Variants in CMPK2 observed in about 807,000 individuals in gnomAD.
CMPK2 encodes UMP-CMP kinase 2, mitochondrial.
A neutral mutation model predicts 33.4 loss-of-function variants in CMPK2; 32 were observed. That is an observed-to-expected ratio of 0.96 (90% CI 0.72 to 1.29). The LOEUF (loss-of-function observed/expected upper bound fraction) is 1.29. Among genes scored for constraint, CMPK2 ranks in the 50% most tolerant of loss-of-function variants. The probability of loss-of-function intolerance (pLI) is 0.00; values close to 1 mark genes in which losing one functional copy is unlikely to be tolerated. For missense variants in CMPK2, 672 were observed against 616.0 expected (o/e 1.09, Z -0.96); for synonymous variants, 299 against 275.3 (o/e 1.09, Z -0.85).
chr2:6,849,618 A>G lies in CMPK2; in HGVS notation c.*232T>C. On this transcript the variant is annotated 3_prime_UTR_variant, in exon 5 of 5. Transcript: ENST00000256722. ...AAAATGTTTACTATGCCAGGAAGAA[A>G]GCAATCGCTGGCCTCTCACTGGAAC... 1 of 1,322,728 alleles carries G rather than the reference A, an allele frequency of 7.6e-7. No individual in the cohort carries two copies. The highest frequency in any genetic ancestry group is 9.6e-7 in the Non-Finnish European group (1 of 1,040,996). 81.9% of individuals were successfully genotyped at this position (1,322,728 alleles called of 1,614,324 possible). A position where few individuals can be genotyped will look rare whatever the true frequency, so the allele number is the denominator to read the frequency against.
downstream of CMPK2, among the ~76,000 whole-genome samples, chr2:6,846,615 G>C (rs945357853): frequency 6.6e-6 from 1 of 152,202 alleles, no homozygotes; most frequent in Non-Finnish European, 1.5e-5. Context: ...AATAGGAAAA[G>C]ATTGCAAGTC....
chr2:6,862,344 A>C (rs1048583973), intron 2 of CMPK2, among the ~76,000 whole-genome samples: 2 of 152,134 alleles, frequency 1.3e-5, no homozygotes, highest in South Asian at 2.1e-4. Flanking sequence ...GAAGTTAATA[A>C]ATTTACCCAA....
chr2:6,843,234 T>A (rs1338338405), intron 3 of CMPK2, among the ~76,000 whole-genome samples: 3 of 152,244 alleles, frequency 2.0e-5, no homozygotes, highest in Middle Eastern at 6.8e-3. Flanking sequence ...TTCCTTTAGG[T>A]CCCACACTGT....
chr2:6,842,103 G>C (rs1662248086), intron 3 of CMPK2, among the ~76,000 whole-genome samples: 1 of 152,138 alleles, frequency 6.6e-6, no homozygotes, highest in South Asian at 2.1e-4. Flanking sequence ...TGCCCTACAG[G>C]TTCCTTGTTC....
At chr2:6,855,531 C>T (rs763316127) in intron 3 of CMPK2, among the ~76,000 whole-genome samples, 1 of 152,154 alleles carries the variant, frequency 6.6e-6, no homozygotes, top group Non-Finnish European at 1.5e-5. Flanking sequence ...AGAACTAATA[C>T]AGATATCACA....
At chr2:6,846,473 T>C (rs1219512096), downstream of CMPK2, among the ~76,000 whole-genome samples, 1 of 152,228 alleles carries the variant, frequency 6.6e-6, no homozygotes, top group East Asian at 1.9e-4. Context: ...TTGAATTACA[T>C]TCTTGATTAT....
chr2:6,864,255 CAG>C (rs1439439688), intron 1 of CMPK2: 1 of 152,186 alleles, frequency 6.6e-6, no homozygotes, highest in Non-Finnish European at 1.5e-5. Flanking sequence ...GAAACTGAGG[CAG>C]AGAGTTGAAG....
At chr2:6,842,768 G>A (rs1388911202) in intron 3 of CMPK2, among the ~76,000 whole-genome samples, 2 of 152,082 alleles carry the variant, frequency 1.3e-5, no homozygotes, top group Non-Finnish European at 2.9e-5. Context: ...CTGTACCCAG[G>A]TATCCACAAT....
At chr2:6,857,354 A>T (rs1662738089) in intron 3 of CMPK2, among the ~76,000 whole-genome samples, 2 of 147,352 alleles carry the variant, frequency 1.4e-5, no homozygotes, top group African/African-American at 2.5e-5. Flanking sequence ...TTTTGAGACA[A>T]GGCCCCTCTT....
chr2:6,865,815 G>A lies in CMPK2; in HGVS notation c.-119C>T. ...GGCGCCAGCGGGAAACGAAAGCGAA[G>A]CGTTGCGGGGAAACGAAAGCCGGAG... is the stretch of plus-strand genomic sequence containing the variant. On this transcript the variant is annotated 5_prime_UTR_variant, in exon 1 of 5. Coordinates refer to ENST00000256722, the MANE Select transcript of CMPK2 (RefSeq NM_207315.4). 7.9e-7 allele frequency: 1 copy of A among 1,266,470 alleles called. No individual in the cohort carries two copies. The highest frequency in any genetic ancestry group is 1.0e-6 in the Non-Finnish European group (1 of 1,004,836). The allele number at this position is 1,266,470 out of a possible 1,614,324, so 78.5% of individuals were successfully genotyped here. A position where few individuals can be genotyped will look rare whatever the true frequency, so the allele number is the denominator to read the frequency against.
chr2:6,844,629 C>A (rs1323651674), downstream of CMPK2, among the ~76,000 whole-genome samples: 1 of 152,138 alleles, frequency 6.6e-6, no homozygotes, highest in Admixed American at 6.5e-5. Flanking sequence ...ATACTGCCTC[C>A]CTCCCTATTG....
rs752471531 is a variant in CMPK2 at position 6,865,224 on chromosome 2, C to A, written c.473G>T (p.Arg158Leu). Residue 158 changes from arginine to leucine, a missense_variant, in exon 1 of 5, where the codon CGC (arginine) becomes CTC (leucine). Physicochemically the swap from Arg to Leu is moderately radical, Grantham distance 102 (BLOSUM62 -2). Transcript: ENST00000256722. ...ELLGACQEAP[R>L]PHLGEFEADP... is the part of the protein sequence containing the mutation. ...GGCCTCGAACTCGCCCAAGTGCGGGCGTGGTGCCTCCTGACAGGCGCCCAG... is the reference window on the plus strand; with the variant it reads ...GGCCTCGAACTCGCCCAAGTGCGGGAGTGGTGCCTCCTGACAGGCGCCCAG... The A allele has an allele frequency of 3.9e-6, 6 of 1,535,200 alleles. No homozygotes were observed. The highest frequency in any genetic ancestry group is 1.7e-4 in the Middle Eastern group (1 of 5,868).
intron 3 of CMPK2, among the ~76,000 whole-genome samples, chr2:6,857,303 T>C (rs902080477): frequency 6.6e-5 from 10 of 151,518 alleles, no homozygotes; most frequent in South Asian, 6.2e-4. Flanking sequence ...TTTTCTTCTT[T>C]TTTGTTTTTT....
chr2:6,856,656 C>T (rs1662710990), intron 3 of CMPK2, among the ~76,000 whole-genome samples: 1 of 152,178 alleles, frequency 6.6e-6, no homozygotes, highest in Non-Finnish European at 1.5e-5. Context: ...CCTTATCAAC[C>T]ACATTTATCT....
At chr2:6,851,993 T>A (rs1406327203) in intron 3 of CMPK2, among the ~76,000 whole-genome samples, 3 of 152,310 alleles carry the variant, frequency 2.0e-5, no homozygotes, top group East Asian at 3.9e-4. Flanking sequence ...CATTCCTCTA[T>A]GAAAGAATGG....
chr2:6,843,845 C>G (rs1572129726), downstream of CMPK2, among the ~76,000 whole-genome samples: 1 of 152,336 alleles, frequency 6.6e-6, no homozygotes, highest in Non-Finnish European at 1.5e-5. Context: ...GAGAGGAGAA[C>G]AGAGAGGCTG....
intron 3 of CMPK2, among the ~76,000 whole-genome samples, chr2:6,841,199 G>A (rs1198318987): frequency 6.6e-6 from 1 of 152,102 alleles, no homozygotes; most frequent in African/African-American, 2.4e-5. Context: ...ATTGACTAAT[G>A]CTTTTATCAC....
intron 4 of CMPK2, among the ~76,000 whole-genome samples, chr2:6,850,495 C>T (rs1042999059): frequency 2.0e-5 from 3 of 152,180 alleles, no homozygotes; most frequent in Non-Finnish European, 4.4e-5. Flanking sequence ...TTTATGGAAT[C>T]CTTATAGCAC....
chr2:6,854,482 A>T (rs950581084), intron 3 of CMPK2, among the ~76,000 whole-genome samples: 5 of 152,228 alleles, frequency 3.3e-5, no homozygotes, highest in African/African-American at 1.2e-4. Context: ...TTCATCTGAC[A>T]AGGTGATACA....
Sources: gnomAD v4.1 joint callset for allele counts (sites outside exome capture counted in the v4.1 genomes callset) on GRCh38, gnomAD v4.1.1 for gene constraint, MANE v1.5 for transcripts, NCBI Gene and HGNC (gene_info 2026-07-23, HGNC 2026-07-21) for gene names.